PLCB4: variants seen among roughly 807,000 people sequenced by gnomAD.
The protein encoded by PLCB4 is phospholipase C beta 4.
Under a neutral mutation model 178.8 loss-of-function variants are expected in PLCB4, and 77 were observed. That is an observed-to-expected ratio of 0.43 (90% CI 0.36 to 0.52). The LOEUF (loss-of-function observed/expected upper bound fraction) is 0.52. Among genes scored for constraint, PLCB4 ranks in the 20% least tolerant of loss-of-function variants. The pLI is 0.00. For missense variants in PLCB4, 1,024 were observed against 1,453.4 expected (o/e 0.70, Z 4.80); for synonymous variants, 496 against 490.8 (o/e 1.01, Z -0.14).
In PLCB4 at chr20:9,447,790, G is replaced by A. The variant is rs1012686261; in HGVS notation, c.2880+3547G>A. Among the ~76,000 whole-genome samples the A allele has an allele frequency of 2.0e-4, 30 of 152,208 alleles. 1 individual carries two copies. Among genetic ancestry groups the A allele is most frequent in the Non-Finnish European group, 3.5e-4 (24 of 68,050 alleles). On this transcript the variant is annotated intron_variant, in intron 32 of 39. Transcript: ENST00000378473. ...CAGCCCGGCTTGAGAACTCAGACTT[G>A]TAACCACTATACTCAGCTGCCTCTG...
intron 2 of PLCB4, among the ~76,000 whole-genome samples, chr20:9,207,282 G>A (rs1251340784): frequency 6.6e-6 from 1 of 152,130 alleles, no homozygotes; most frequent in Non-Finnish European, 1.5e-5. Flanking sequence ...AACATGAAGA[G>A]GACTGATTAA....
rs1238949579 is a variant in PLCB4, at chr20:9,479,287, C to T, written c.*278C>T. 2.4e-6 allele frequency: 1 copy of T among 409,360 alleles called. No homozygotes were observed. The highest frequency in any genetic ancestry group is 4.5e-6 in the Non-Finnish European group (1 of 223,664). The allele number at this position is 409,360 out of a possible 1,614,324, so 25.4% of individuals were successfully genotyped here. On this transcript the variant is annotated 3_prime_UTR_variant, in exon 40 of 40. Transcript: ENST00000378473. Reference sequence around the variant, plus strand: ...CTTAAACATGTTTGCTATAAAATACCATCACAAGTAAATGAGCTTGGTGTG... The same window carrying T: ...CTTAAACATGTTTGCTATAAAATACTATCACAAGTAAATGAGCTTGGTGTG...
intron 2 of PLCB4, among the ~76,000 whole-genome samples, chr20:9,096,607 T>A (rs1032161661): frequency 2.6e-5 from 4 of 152,166 alleles, no homozygotes; most frequent in African/African-American, 9.7e-5. Flanking sequence ...AGCAGATCCA[T>A]TTTTTTATTG....
intron 2 of PLCB4, among the ~76,000 whole-genome samples, chr20:9,158,887 A>T (rs550211173): frequency 6.6e-6 from 1 of 152,312 alleles, no homozygotes; most frequent in South Asian, 2.1e-4. Flanking sequence ...CTTATTCCAT[A>T]CTGAATTTGT....
intron 3 of PLCB4, among the ~76,000 whole-genome samples, chr20:9,268,649 G>A (rs138927999): frequency 1.2e-4 from 18 of 152,228 alleles, no homozygotes; most frequent in East Asian, 3.9e-4. Flanking sequence ...CCATACAAGG[G>A]GGACGATGTT....
intron 2 of PLCB4, among the ~76,000 whole-genome samples, chr20:9,193,384 G>T (rs1353237193): frequency 6.6e-6 from 1 of 152,194 alleles, no homozygotes; most frequent in Non-Finnish European, 1.5e-5. Context: ...GAAAGACACA[G>T]GTTGGTTCCT....
chr20:9,475,831 A>G lies in PLCB4; in HGVS notation c.3496-886A>G, dbSNP rs1307617139. 3.9e-5 allele frequency among the ~76,000 whole-genome samples: 6 copies of G among 152,170 alleles called. 1 individual carries two copies. The highest frequency in any genetic ancestry group is 8.8e-5 in the Non-Finnish European group (6 of 68,024). ...CAGTGACTTCATTTCTTTCCTCATAAAAAGGCAAGGTCTGGAACTATATAG... is the reference window on the plus strand; with the variant it reads ...CAGTGACTTCATTTCTTTCCTCATAGAAAGGCAAGGTCTGGAACTATATAG... On this transcript the variant is annotated intron_variant, in intron 38 of 39. Transcript: ENST00000378473.
At chr20:9,102,074 A>G (rs186166652) in intron 2 of PLCB4, among the ~76,000 whole-genome samples, 2 of 152,154 alleles carry the variant, frequency 1.3e-5, no homozygotes, top group East Asian at 1.9e-4. Flanking sequence ...CGAACTCCTG[A>G]CCTCAGGTCA....
intron 2 of PLCB4, among the ~76,000 whole-genome samples, chr20:9,100,414 C>T (rs1342897992): frequency 6.6e-6 from 1 of 152,052 alleles, no homozygotes; most frequent in Non-Finnish European, 1.5e-5. Flanking sequence ...TGCTCTGTTG[C>T]CCAGGCTGGA....
intron 19 of PLCB4, among the ~76,000 whole-genome samples, chr20:9,400,296 T>C (rs2038928566): frequency 6.6e-6 from 1 of 152,164 alleles, no homozygotes; most frequent in African/African-American, 2.4e-5. Flanking sequence ...AAGATACCAC[T>C]GTTTTATTAT....
chr20:9,433,035 C>A (rs868086670), intron 28 of PLCB4, among the ~76,000 whole-genome samples: 1 of 150,322 alleles, frequency 6.7e-6, no homozygotes, highest in Non-Finnish European at 1.5e-5. Context: ...ATGCAGAGAT[C>A]GAGTTGCCAC....
intron 28 of PLCB4, among the ~76,000 whole-genome samples, chr20:9,430,963 A>C (rs114527065): frequency 2.0e-5 from 3 of 152,166 alleles, no homozygotes; most frequent in Admixed American, 2.0e-4. Flanking sequence ...TTTCCCCTCA[A>C]TTACTGTTGG....
At chr20:9,196,190 A>G (rs2093470460) in intron 2 of PLCB4, among the ~76,000 whole-genome samples, 1 of 152,216 alleles carries the variant, frequency 6.6e-6, no homozygotes, top group Non-Finnish European at 1.5e-5. Flanking sequence ...AGCTTGTTAT[A>G]GCAGAGGTCA....
intron 2 of PLCB4, among the ~76,000 whole-genome samples, chr20:9,143,435 A>G (rs1262705387): frequency 2.0e-5 from 3 of 152,166 alleles, no homozygotes; most frequent in Non-Finnish European, 4.4e-5. Context: ...ATATTCAGGC[A>G]TAGTCAGTGC....
intron 39 of PLCB4, among the ~76,000 whole-genome samples, chr20:9,477,706 A>G (rs551338137): frequency 5.0e-4 from 76 of 152,330 alleles, no homozygotes; most frequent in Non-Finnish European, 8.7e-4. Context: ...AAATTTACAC[A>G]GAAAGATTTA....
intron 1 of PLCB4, among the ~76,000 whole-genome samples, chr20:9,073,356 A>C (rs1473653879): frequency 6.6e-6 from 1 of 152,176 alleles, no homozygotes; most frequent in African/African-American, 2.4e-5. Context: ...CCAAGGATGC[A>C]GTTTGGTGGG....
chr20:9,278,424 G>C (rs2094467858), intron 3 of PLCB4, among the ~76,000 whole-genome samples: 1 of 152,028 alleles, frequency 6.6e-6, no homozygotes, highest in Non-Finnish European at 1.5e-5. Context: ...CAGGAACTGT[G>C]TTAATCTACA....
At chr20:9,123,569 A>G (rs2146766021) in intron 2 of PLCB4, among the ~76,000 whole-genome samples, 1 of 152,146 alleles carries the variant, frequency 6.6e-6, no homozygotes, top group East Asian at 1.9e-4. Flanking sequence ...TAAACAATAT[A>G]GATGAGTAAA....
At chr20:9,373,241 C>A (rs2036397269) in intron 12 of PLCB4, 137 bp downstream of exon 12, 1 of 530,020 alleles carries the variant, frequency 1.9e-6, no homozygotes, top group South Asian at 2.8e-5. Context: ...TATGGCTTTA[C>A]CAGGTGCAAA....
Sources: gnomAD v4.1 joint callset for allele counts (sites outside exome capture counted in the v4.1 genomes callset) on GRCh38, gnomAD v4.1.1 for gene constraint, MANE v1.5 for transcripts, NCBI Gene and HGNC (gene_info 2026-07-23, HGNC 2026-07-21) for gene names.